The following APOBEC2 variants were observed in gnomAD, a reference collection of about 807,000 sequenced individuals.
APOBEC2 encodes the protein C->U-editing enzyme APOBEC-2.
Under a neutral mutation model 19.4 loss-of-function variants are expected in APOBEC2, and 14 were observed. That is an observed-to-expected ratio of 0.72 (90% confidence interval 0.48 to 1.13). APOBEC2 has a LOEUF of 1.13. Ranked by LOEUF, APOBEC2 falls within the 50% of genes most tolerant of loss-of-function variation. The probability of loss-of-function intolerance (pLI) is 0.00; values close to 1 mark genes in which losing one functional copy is unlikely to be tolerated. For synonymous variants in APOBEC2, 127 were observed against 112.1 expected, an observed-to-expected ratio of 1.13 and a Z score of -0.84; for missense variants, 304 against 277.0, an observed-to-expected ratio of 1.10 and a Z score of -0.69.
At chr6:41,057,480 C>T (rs2114027055) in intron 1 of APOBEC2, among the ~76,000 whole-genome samples, 1 of 152,314 alleles carries the variant, frequency 6.6e-6, no homozygotes, top group African/African-American at 2.4e-5. Flanking sequence ...CTGGAGTTCC[C>T]TTCTCAGCTC....
Position 41,053,296 on chromosome 6 carries a change from A to G in APOBEC2, c.-52A>G. ...ACTCTGCCGCCAGGGCCTGGCCCAG[A>G]CCTGCCTGCCTCTCTCCTCTCCCTC... On this transcript the variant is annotated 5_prime_UTR_variant, in exon 1 of 3. Coordinates refer to ENST00000244669, the MANE Select transcript of APOBEC2 (RefSeq NM_006789.4). The G allele has an allele frequency of 1.3e-6, 2 of 1,593,488 alleles. No homozygotes were observed. The highest frequency in any genetic ancestry group is 1.7e-6 in the Non-Finnish European group (2 of 1,171,678).
intron 1 of APOBEC2, among the ~76,000 whole-genome samples, chr6:41,058,411 A>ACACACACACACACACT (rs1162324300): frequency 6.6e-6 from 1 of 150,906 alleles, no homozygotes; most frequent in Non-Finnish European, 1.5e-5. Context: ...ACACACACAC[A>ACACACACACACACACT]CACACACACA....
chr6:41,061,333 G>A lies in APOBEC2; in HGVS notation c.137G>A (p.Arg46Gln), dbSNP rs768101517. 11 of 1,525,666 alleles carry A rather than the reference G, an allele frequency of 7.2e-6. No individual in the cohort carries two copies. In the South Asian group the frequency reaches 9.2e-5, roughly 13 times the overall value. The allele number at this position is 1,525,666 out of a possible 1,614,324, so 94.5% of individuals were successfully genotyped here. A position where few individuals can be genotyped will look rare whatever the true frequency, so the allele number is the denominator to read the frequency against. Reference sequence around the variant, plus strand: ...TTTGTCTCCTTGACCTACAGAGAACGGCTGCCTGCCAACTTCTTTAAATTC... The same window carrying A: ...TTTGTCTCCTTGACCTACAGAGAACAGCTGCCTGCCAACTTCTTTAAATTC... ...LPPFEIVTGE[R>Q]LPANFFKFQF... The change falls in exon 2 of 3, where the codon CGG (arginine) becomes CAG (glutamine). Residue 46 changes from arginine (R) to glutamine (Q), a missense_variant. By Grantham distance (43) the Arg-to-Gln change is conservative (BLOSUM62 1). Transcript: ENST00000244669.
rs991320287 is a variant in APOBEC2, at chr6:41,061,923, C to T, written c.*21+31C>T. The stretch of plus-strand genomic sequence containing the variant: ...TTTTCCTGGTGCCATGGCACCAACA[C>T]TTTATTATGTTAACTCCAGTAGAAG... On this transcript the variant is annotated intron_variant, in intron 2 of 2. Transcript: ENST00000244669. The T allele has an allele frequency of 9.7e-6, 15 of 1,546,942 alleles. 1 individual carries two copies. In the African/African-American group the frequency reaches 1.4e-4, roughly 14 times the overall value.
chr6:41,062,631 G>C (rs1195325391), intron 2 of APOBEC2, among the ~76,000 whole-genome samples: 2 of 152,222 alleles, frequency 1.3e-5, no homozygotes, highest in Non-Finnish European at 2.9e-5. Flanking sequence ...GAGTTAAAAA[G>C]ACATTTGTAA....
chr6:41,063,915 G>A (rs952600885), intron 2 of APOBEC2, among the ~76,000 whole-genome samples, 186 bp from the exon 3 acceptor site: 13 of 150,874 alleles, frequency 8.6e-5, no homozygotes, highest in South Asian at 4.2e-4. Flanking sequence ...AAACATGAAC[G>A]AAAGACTGGC....
intron 1 of APOBEC2, among the ~76,000 whole-genome samples, chr6:41,059,075 A>G (rs896316904): frequency 1.1e-4 from 17 of 152,152 alleles, no homozygotes; most frequent in African/African-American, 4.1e-4. Flanking sequence ...GTCAGAGCTT[A>G]AGAAGGGCAG....
chr6:41,054,080 C>G (rs541130590), intron 1 of APOBEC2, among the ~76,000 whole-genome samples: 1 of 152,294 alleles, frequency 6.6e-6, no homozygotes, highest in Non-Finnish European at 1.5e-5. Context: ...ATGCAGATAA[C>G]GCAGCCCAGG....
rs180702009 is a variant in APOBEC2 at position 41,056,204 on chromosome 6, C to A, written c.131+2726C>A. Among the ~76,000 whole-genome samples, 344 of 152,288 alleles carry A rather than the reference C, an allele frequency of 2.3e-3. 1 individual carries two copies. Among genetic ancestry groups the A allele is most frequent in the Admixed American group, 5.4e-3 (83 of 15,290 alleles). ...TGGTGCAATCACAGCTCACTGTCGTCGCAACCTCCCGGGCTCAGGTGATCT... is the reference window on the plus strand; with the variant it reads ...TGGTGCAATCACAGCTCACTGTCGTAGCAACCTCCCGGGCTCAGGTGATCT... On this transcript the variant is annotated intron_variant, in intron 1 of 2. Coordinates refer to ENST00000244669, the MANE Select transcript of APOBEC2 (RefSeq NM_006789.4).
At chr6:41,057,154 C>CTTTAGCTACCAGTAG (rs1158963867) in intron 1 of APOBEC2, among the ~76,000 whole-genome samples, 1 of 152,216 alleles carries the variant, frequency 6.6e-6, no homozygotes, top group African/African-American at 2.4e-5. Flanking sequence ...CTAACCACTT[C>CTTTAGCTACCAGTAG]TTTAGCTACC....
At chr6:41,058,564 T>G (rs1431092757) in intron 1 of APOBEC2, among the ~76,000 whole-genome samples, 3 of 152,184 alleles carry the variant, frequency 2.0e-5, no homozygotes, top group African/African-American at 7.2e-5. Flanking sequence ...ACAAGTTAGG[T>G]GTCATTATTT....
chr6:41,053,255 C>A lies in APOBEC2; in HGVS notation c.-93C>A. ...CGTCATCCCCAGCCAGATTTAGCTG[C>A]TGACAGCTGCTTGGGACTCTGCCGC... is the stretch of plus-strand genomic sequence containing the variant. On this transcript the variant is annotated 5_prime_UTR_variant, in exon 1 of 3. In the 5' UTR this introduces an upstream ATG that the reference lacks. Coordinates refer to ENST00000244669, the MANE Select transcript of APOBEC2 (RefSeq NM_006789.4). The A allele has an allele frequency of 6.7e-7, 1 of 1,496,028 alleles. No individual in the cohort carries two copies. The highest frequency in any genetic ancestry group is 8.9e-7 in the Non-Finnish European group (1 of 1,120,796). 92.7% of individuals were successfully genotyped at this position (1,496,028 alleles called of 1,614,324 possible).
intron 1 of APOBEC2, 84 bp from the exon 2 acceptor site, chr6:41,061,244 C>T (rs1762866772): frequency 1.7e-6 from 2 of 1,172,124 alleles, no homozygotes; most frequent in Admixed American, 2.8e-5. Flanking sequence ...GAAGTACTGA[C>T]CTGGAAGAGC....
rs1051652163 is a variant in APOBEC2, at chr6:41,054,060, G to A, written c.131+582G>A. 2.0e-5 allele frequency among the ~76,000 whole-genome samples: 3 copies of A among 152,150 alleles called. No individual in the cohort carries two copies. In the South Asian group the frequency reaches 6.2e-4, roughly 32 times the overall value. ...TCAGGGGCTGTCCCACAGAGAAACA[G>A]AGAAATTACATGCAGATAACGCAGC... On this transcript the variant is annotated intron_variant, in intron 1 of 2. Coordinates refer to ENST00000244669, the MANE Select transcript of APOBEC2 (RefSeq NM_006789.4).
chr6:41,058,286 CCA>C (rs142540209), intron 1 of APOBEC2, among the ~76,000 whole-genome samples: 22 of 108,400 alleles, frequency 2.0e-4, no homozygotes, highest in Middle Eastern at 6.5e-3. Context: ...CACCACACAC[CCA>C]CACACACACA....
Position 41,061,317 on chromosome 6 carries a change from T to C in APOBEC2, c.132-11T>C, listed in dbSNP as rs757510418. On this transcript the variant is annotated splice_polypyrimidine_tract_variant and intron_variant, in intron 1 of 2. Transcript: ENST00000244669. ...CATTCTTTCCTGTCCTTTTGTCTCCTTGACCTACAGAGAACGGCTGCCTGC... is the reference window on the plus strand; with the variant it reads ...CATTCTTTCCTGTCCTTTTGTCTCCCTGACCTACAGAGAACGGCTGCCTGC... 4 of 1,519,478 alleles carry C rather than the reference T, an allele frequency of 2.6e-6. No homozygotes were observed. Among genetic ancestry groups the C allele is most frequent in the Non-Finnish European group, 3.5e-6 (4 of 1,134,738 alleles). 94.1% of individuals were successfully genotyped at this position (1,519,478 alleles called of 1,614,324 possible). A position where few individuals can be genotyped will look rare whatever the true frequency, so the allele number is the denominator to read the frequency against.
chr6:41,061,615 G>T lies in APOBEC2; in HGVS notation c.419G>T (p.Ser140Ile). The change falls in exon 2 of 3, where the codon AGC becomes ATC. Residue 140 changes from serine to isoleucine, a missense_variant. Transcript: ENST00000244669. ...GCTGACCGCATTATCAAAACCCTTA[G>T]CAAGACCAAGAACCTGCGTCTGCTC... The part of the protein sequence containing the change: ...ACADRIIKTL[S>I]KTKNLRLLIL... The T allele has an allele frequency of 1.2e-6, 2 of 1,614,210 alleles. No individual in the cohort carries two copies. The highest frequency in any genetic ancestry group is 1.7e-6 in the Non-Finnish European group (2 of 1,180,038).
intron 1 of APOBEC2, among the ~76,000 whole-genome samples, chr6:41,056,080 G>A (rs1009429105): frequency 6.6e-6 from 1 of 152,220 alleles, no homozygotes; most frequent in African/African-American, 2.4e-5. Flanking sequence ...TACAATTTGA[G>A]GCCTGGAGAA....
At chr6:41,057,975 G>A (rs915174337) in intron 1 of APOBEC2, among the ~76,000 whole-genome samples, 2 of 152,138 alleles carry the variant, frequency 1.3e-5, no homozygotes, top group Non-Finnish European at 2.9e-5. Flanking sequence ...AGTGTGACTG[G>A]TCTTGTTTGG....
Sources: allele counts gnomAD v4.1 joint callset (sites outside exome capture counted in the v4.1 genomes callset), GRCh38; gene constraint gnomAD v4.1.1; transcripts MANE v1.5; gene names NCBI Gene and HGNC (gene_info 2026-07-23, HGNC 2026-07-21).